HMCN1: variants seen among roughly 807,000 people sequenced by gnomAD.
HMCN1 encodes the protein hemicentin-1.
Under a neutral mutation model 625.9 loss-of-function variants are expected in HMCN1, and 321 were observed. That is an observed-to-expected ratio of 0.51 (90% CI 0.47 to 0.56). The LOEUF (loss-of-function observed/expected upper bound fraction) is 0.56, where lower values mean the gene tolerates loss of function less well. Ranked by LOEUF, HMCN1 falls within the 20% of genes least tolerant of loss-of-function variation. HMCN1 has a pLI of 0.00. For synonymous variants in HMCN1, 2,425 were observed against 2,417.6 expected (o/e 1.00, Z -0.09); for missense variants, 6,588 against 6,887.3 (o/e 0.96, Z 1.54).
intron 1 of HMCN1, among the ~76,000 whole-genome samples, chr1:185,818,116 A>T (rs925765418): frequency 6.6e-6 from 1 of 152,294 alleles, no homozygotes; most frequent in Admixed American, 6.5e-5. Flanking sequence ...ACACACCTCT[A>T]TCTGCACCTA....
In HMCN1 at chr1:186,188,424, G is replaced by A. The variant is rs537595204; in HGVS notation, c.16541+415G>A. Among the ~76,000 whole-genome samples, 5 of 152,294 alleles carry A rather than the reference G, an allele frequency of 3.3e-5. No individual in the cohort carries two copies. In the South Asian group the frequency reaches 6.2e-4, roughly 19 times the overall value. The stretch of plus-strand genomic sequence containing the variant: ...TTTTCTGTTGCTTCACTGACTCACC[G>A]CTCCTTGAGAACGGAGATGAGTGAG... On this transcript the variant is annotated intron_variant, in intron 106 of 106. Transcript: ENST00000271588.
intron 97 of HMCN1, among the ~76,000 whole-genome samples, chr1:186,160,570 T>A (rs956066385): frequency 2.0e-5 from 3 of 151,968 alleles, no homozygotes; most frequent in Non-Finnish European, 4.4e-5. Context: ...TGCTATAAAT[T>A]TCCCTCTACA....
At position 186,076,559 on chromosome 1, in the gene HMCN1, A is replaced by G; in HGVS notation, c.8422A>G (p.Thr2808Ala). Residue 2808 changes from threonine to alanine, a missense_variant, in exon 54 of 107, where the codon ACA (threonine) becomes GCA (alanine). This residue lies in a region of HMCN1 where 4,628 missense variants were observed against 4,853.1 expected (regional missense o/e 0.95). Transcript: ENST00000271588. ...TGAGACAAATGCTGCTCCCCCTCCT[A>G]CACTGACATGGTACAAAGATGGCCA... ...YCETNAAPPPTLTWYKDGHPL... is the reference protein window; with the variant it reads ...YCETNAAPPPALTWYKDGHPL... 1 of 1,613,790 alleles carries G rather than the reference A, an allele frequency of 6.2e-7. No individual in the cohort carries two copies.
intron 62 of HMCN1, 134 bp from the exon 63 acceptor site, chr1:186,088,470 CTT>C: frequency 1.5e-6 from 2 of 1,360,608 alleles, no homozygotes; most frequent in Middle Eastern, 2.4e-4. Context: ...AGAATTTTTT[CTT>C]TTTTAAAAAA....
rs779454634 is a variant in HMCN1, at chr1:186,055,608, C to T, written c.7078C>T (p.Arg2360Cys). ...LKNIHVSDTG[R>C]YVCVAVNVAG... ...GAACATTCATGTATCTGACACAGGC[C>T]GTTATGTGTGTGTTGCTGTGAATGT... The change falls in exon 45 of 107, where the codon CGT (arginine) becomes TGT (cysteine). Residue 2360 changes from arginine (R) to cysteine (C), a missense_variant. Transcript: ENST00000271588. 2.5e-5 allele frequency: 41 copies of T among 1,612,354 alleles called. No individual in the cohort carries two copies. The highest frequency in any genetic ancestry group is 1.6e-4 in the Middle Eastern group (1 of 6,068).
chr1:185,746,649 G>A (rs1176511297), intron 1 of HMCN1, among the ~76,000 whole-genome samples: 1 of 143,692 alleles, frequency 7.0e-6, no homozygotes, highest in East Asian at 2.0e-4. Context: ...CTGTTGCCCA[G>A]GCTAGAGTGC....
intron 79 of HMCN1, 23 bp downstream of exon 79, chr1:186,119,905 C>A (rs775502540): frequency 1.9e-6 from 3 of 1,613,960 alleles, no homozygotes; most frequent in Non-Finnish European, 2.5e-6. Flanking sequence ...GTTTTTCTAT[C>A]AAGAAAATCA....
In HMCN1 at chr1:186,076,691, C is replaced by T. The variant is rs558940623; in HGVS notation, c.8485+69C>T. 4.0e-5 allele frequency: 59 copies of T among 1,469,086 alleles called. No homozygotes were observed. The East Asian group carries it at 8.2e-4, about 20-fold the overall frequency. 91.0% of individuals were successfully genotyped at this position (1,469,086 alleles called of 1,614,324 possible). On this transcript the variant is annotated intron_variant, in intron 54 of 106. Coordinates refer to ENST00000271588, the MANE Select transcript of HMCN1 (RefSeq NM_031935.3). ...AATGTGTTTCCTCTCATGTATTAGACGAATTGAATTGGTTGGGTCTCTGGC... is the reference window on the plus strand; with the variant it reads ...AATGTGTTTCCTCTCATGTATTAGATGAATTGAATTGGTTGGGTCTCTGGC...
intron 1 of HMCN1, among the ~76,000 whole-genome samples, chr1:185,762,268 G>A (rs1390070220): frequency 2.0e-5 from 3 of 152,106 alleles, no homozygotes; most frequent in African/African-American, 7.2e-5. Flanking sequence ...TAAATGAATG[G>A]CAATCATTTG....
intron 67 of HMCN1, among the ~76,000 whole-genome samples, chr1:186,094,797 T>C (rs1389562691): frequency 1.3e-5 from 2 of 152,176 alleles, no homozygotes; most frequent in African/African-American, 2.4e-5. Flanking sequence ...TTCGGAAATA[T>C]TGAAGTTTGC....
chr1:186,117,541 A>G lies in HMCN1; in HGVS notation c.11766A>G (p.Gly3922=), dbSNP rs746063194. The G allele has an allele frequency of 1.2e-5, 19 of 1,613,714 alleles. No individual in the cohort carries two copies. The highest frequency in any genetic ancestry group is 6.7e-5 in the Admixed American group (4 of 59,972). The change falls in exon 77 of 107, where the codon GGA becomes GGG. Residue 3922 remains glycine (G), a synonymous_variant. Transcript: ENST00000271588. ...APAVITCTAS[G]VPFPSIHWTK... ...CAGTAATTACCTGCACTGCTTCGGG[A>G]GTTCCATTTCCCTCAATTCACTGGA...
At chr1:185,891,339 T>A (rs1381259322) in intron 4 of HMCN1, among the ~76,000 whole-genome samples, 1 of 145,934 alleles carries the variant, frequency 6.9e-6, no homozygotes, top group South Asian at 2.1e-4. Flanking sequence ...TATGTGTGAA[T>A]TTGATCCTGT....
chr1:185,883,611 ATATACCACAATTTGTT>A (rs1410469829), intron 4 of HMCN1, among the ~76,000 whole-genome samples: 3 of 152,000 alleles, frequency 2.0e-5, no homozygotes, highest in Non-Finnish European at 4.4e-5. Context: ...GATTTTATGG[ATATACCACAATTTGTT>A]TATACCACAA....
At chr1:186,071,627 G>A (rs1030605249) in intron 52 of HMCN1, among the ~76,000 whole-genome samples, 1 of 152,158 alleles carries the variant, frequency 6.6e-6, no homozygotes, top group Admixed American at 6.6e-5. Context: ...CATGATTTAA[G>A]ATGCAGGAAA....
intron 55 of HMCN1, among the ~76,000 whole-genome samples, chr1:186,080,275 C>T (rs1365785074): frequency 6.6e-6 from 1 of 152,054 alleles, no homozygotes; most frequent in Non-Finnish European, 1.5e-5. Flanking sequence ...AACCCAGATA[C>T]CACAAGATAG....
At chr1:185,833,697 T>G (rs1571419543) in intron 1 of HMCN1, among the ~76,000 whole-genome samples, 1 of 152,170 alleles carries the variant, frequency 6.6e-6, no homozygotes, top group Non-Finnish European at 1.5e-5. Context: ...GTTCTATTAA[T>G]GTCTATTATT....
chr1:186,117,064 G>A lies in HMCN1; in HGVS notation c.11632G>A (p.Val3878Met). 1 of 1,613,514 alleles carries A rather than the reference G, an allele frequency of 6.2e-7. No individual in the cohort carries two copies. Among genetic ancestry groups the A allele is most frequent in the South Asian group, 1.1e-5 (1 of 91,070 alleles). ...TGACACTGCAACCTATGAATGTACT[G>A]TGACAAACGGTGCTGGAGATGATAA... ...VDDTATYECTVTNGAGDDKRT... is the reference protein window; with the variant it reads ...VDDTATYECTMTNGAGDDKRT... Residue 3878 changes from valine (V) to methionine (M), a missense_variant, in exon 76 of 107, where the codon GTG becomes ATG. By Grantham distance (21) the Val-to-Met change is conservative. Around this residue, in one of 3 missense-constraint regions of HMCN1, gnomAD observed 4,628 missense variants for 4,853.1 expected, o/e 0.95. Coordinates refer to ENST00000271588, the MANE Select transcript of HMCN1 (RefSeq NM_031935.3).
At chr1:185,798,150 T>C (rs1658532184) in intron 1 of HMCN1, among the ~76,000 whole-genome samples, 1 of 152,164 alleles carries the variant, frequency 6.6e-6, no homozygotes, top group South Asian at 2.1e-4. Flanking sequence ...TTACTTCTCC[T>C]TCATTTGTGA....
chr1:185,923,375 A>G lies in HMCN1; in HGVS notation c.1022-15A>G, dbSNP rs767103108. On this transcript the variant is annotated splice_polypyrimidine_tract_variant and intron_variant, in intron 7 of 106. Coordinates refer to ENST00000271588, the MANE Select transcript of HMCN1 (RefSeq NM_031935.3). Reference sequence around the variant, plus strand: ...CTTGTTTCTTGTAAATGATAACAAAATCTTTCTCTTGTAGGAATACCTACC... The same window carrying G: ...CTTGTTTCTTGTAAATGATAACAAAGTCTTTCTCTTGTAGGAATACCTACC... The G allele has an allele frequency of 5.0e-6, 8 of 1,595,464 alleles. No individual in the cohort carries two copies. Among genetic ancestry groups the G allele is most frequent in the African/African-American group, 1.3e-5 (1 of 74,548 alleles).
Sources: allele counts gnomAD v4.1 joint callset (sites outside exome capture counted in the v4.1 genomes callset), GRCh38; gene constraint gnomAD v4.1.1; regional missense constraint gnomAD v4.1.1; transcripts MANE v1.5; gene names NCBI Gene and HGNC (gene_info 2026-07-23, HGNC 2026-07-21).